The following SALL1 variants were observed in gnomAD, a reference collection of about 807,000 sequenced individuals.
SALL1 encodes the protein sal-like protein 1.
SALL1 carries 10 observed loss-of-function variants against 73.1 expected under a neutral mutation model. The observed-to-expected ratio is 0.14, with a 90% confidence interval of 0.08 to 0.23. SALL1 has a LOEUF of 0.23. SALL1 is among the 10% of genes least tolerant of loss of function. SALL1 has a pLI of 1.00. For synonymous variants in SALL1, 688 were observed against 689.8 expected (o/e 1.00, Z 0.04); for missense variants, 1,520 against 1,697.3 (o/e 0.90, Z 1.84).
At chr16:51,137,813 C>T (rs1330710443) in intron 2 of SALL1, among the ~76,000 whole-genome samples, 1 of 152,198 alleles carries the variant, frequency 6.6e-6, no homozygotes, top group African/African-American at 2.4e-5. Flanking sequence ...GCCTTACTTA[C>T]TCTTTTTTTA....
At position 51,136,071 on chromosome 16, in the gene SALL1, A is replaced by C. The variant is rs541020773; in HGVS notation, c.*1041T>G. On this transcript the variant is annotated 3_prime_UTR_variant, in exon 3 of 3. Transcript: ENST00000251020. The stretch of plus-strand genomic sequence containing the variant: ...TGTTAGTAAGTATTAAATGTTAAAG[A>C]AATTGGACCCCCCCTTTCCTTTCAA... The C allele has an allele frequency of 2.0e-5, 3 of 152,770 alleles. No homozygotes were observed. The highest frequency in any genetic ancestry group is 4.4e-5 in the Non-Finnish European group (3 of 68,036). 9.5% of individuals were successfully genotyped at this position (152,770 alleles called of 1,614,324 possible).
intron 1 of SALL1, 51 bp from the exon 2 acceptor site, chr16:51,142,196 T>G: frequency 7.2e-7 from 1 of 1,387,016 alleles, no homozygotes. Context: ...GGACACACAG[T>G]CACCTATGAC....
chr16:51,141,459 A>G lies in SALL1; in HGVS notation c.763T>C (p.Leu255=), dbSNP rs749574976. Residue 255 remains leucine (L), a synonymous_variant, in exon 2 of 3, where the codon TTG becomes CTG. Coordinates refer to ENST00000251020, the MANE Select transcript of SALL1 (RefSeq NM_002968.3). This position sits in a 1 kb window ranked among gnomAD's most constrained non-coding sequence, Gnocchi z 5.4. ...QLIEQIRHQI[L]LLASQNADLP... ...TCTGCATTCTGAGAAGCCAACAGCAATATTTGGTGACGAATCTGTTCGATC... is the reference window on the plus strand; with the variant it reads ...TCTGCATTCTGAGAAGCCAACAGCAGTATTTGGTGACGAATCTGTTCGATC... The G allele has an allele frequency of 7.4e-6, 12 of 1,614,060 alleles. No homozygotes were observed. Among genetic ancestry groups the G allele is most frequent in the Admixed American group, 6.7e-5 (4 of 60,010 alleles).
In SALL1 at chr16:51,141,547, G is replaced by A. The variant is rs144398338; in HGVS notation, c.675C>T (p.Ala225=). 2.1e-5 allele frequency: 34 copies of A among 1,613,952 alleles called. No individual in the cohort carries two copies. The highest frequency in any genetic ancestry group is 1.7e-4 in the African/African-American group (13 of 74,880). The change falls in exon 2 of 3, where the codon GCC becomes GCT. Residue 225 remains alanine (A), a synonymous_variant. Transcript: ENST00000251020. The surrounding 1 kb of genome is among the most constrained non-coding windows in gnomAD (Gnocchi z 5.4). ...GGAGTTGTTCCATGAGGGCTGGGAC[G>A]GCCAGCTTGCCCCCAGAGGCCCCGC... The part of the protein sequence containing the change: ...RCGGASGGKL[A]VPALMEQLLA...
At chr16:51,138,012 C>T (rs1051711231) in intron 2 of SALL1, among the ~76,000 whole-genome samples, 10 of 152,140 alleles carry the variant, frequency 6.6e-5, no homozygotes, top group South Asian at 2.1e-4. Context: ...GGAGGGCCTG[C>T]GTATGGAGAG....
chr16:51,145,414 G>T (rs1962502441), intron 1 of SALL1, among the ~76,000 whole-genome samples: 1 of 152,004 alleles, frequency 6.6e-6, no homozygotes, highest in Non-Finnish European at 1.5e-5. Flanking sequence ...TATGGATTTT[G>T]CATACAGATT....
At chr16:51,145,163 T>G (rs967006438) in intron 1 of SALL1, among the ~76,000 whole-genome samples, 11 of 150,966 alleles carry the variant, frequency 7.3e-5, no homozygotes, top group African/African-American at 2.4e-4. Flanking sequence ...TATTTTAATT[T>G]GTAGTAAGAT....
In SALL1 at chr16:51,140,089, G is replaced by A; in HGVS notation, c.2133C>T (p.Cys711=). ...CGCTCTGGCAGCTGAGAACCCGGTGGCAGATGATGCACTCATTGGGGTCAG... is the reference window on the plus strand; with the variant it reads ...CGCTCTGGCAGCTGAGAACCCGGTGACAGATGATGCACTCATTGGGGTCAG... The part of the protein sequence containing the change: ...KATDPNECII[C]HRVLSCQSAL... Residue 711 remains cysteine, a synonymous_variant, in exon 2 of 3, where the codon TGC becomes TGT. Coordinates refer to ENST00000251020, the MANE Select transcript of SALL1 (RefSeq NM_002968.3). The surrounding 1 kb of genome is among the most constrained non-coding windows in gnomAD (Gnocchi z 5.7). The A allele has an allele frequency of 6.2e-7, 1 of 1,614,198 alleles. No individual in the cohort carries two copies. Among genetic ancestry groups the A allele is most frequent in the Non-Finnish European group, 8.5e-7 (1 of 1,180,038 alleles).
chr16:51,143,297 C>A, intron 1 of SALL1: 1 of 387,986 alleles, frequency 2.6e-6, no homozygotes, highest in South Asian at 1.9e-5. Context: ...ACAGAAAAAT[C>A]TCTAACTCCA....
rs1214611436 is a variant in SALL1, at chr16:51,136,462, A to C, written c.*650T>G. ...CTGTACAGAAACTTATTAACATTGA[A>C]GACGACTCAAGTAAAAAGCACAATA... On this transcript the variant is annotated 3_prime_UTR_variant, in exon 3 of 3. Transcript: ENST00000251020. 2 of 152,740 alleles carry C rather than the reference A, an allele frequency of 1.3e-5. No homozygotes were observed. Among genetic ancestry groups the C allele is most frequent in the East Asian group, 3.8e-4 (2 of 5,200 alleles). 9.5% of individuals were successfully genotyped at this position (152,740 alleles called of 1,614,324 possible).
chr16:51,139,164 A>G lies in SALL1; in HGVS notation c.3058T>C (p.Tyr1020His). 6.2e-7 allele frequency: 1 copy of G among 1,614,234 alleles called. No individual in the cohort carries two copies. Among genetic ancestry groups the G allele is most frequent in the Non-Finnish European group, 8.5e-7 (1 of 1,180,040 alleles). The change falls in exon 2 of 3, where the codon TAT becomes CAT. Residue 1020 changes from tyrosine (Y) to histidine (H), a missense_variant. By Grantham distance (83) the Tyr-to-His change is moderately conservative. Coordinates refer to ENST00000251020, the MANE Select transcript of SALL1 (RefSeq NM_002968.3). Reference sequence around the variant, plus strand: ...GGTCTCTCTTTGGTATGACTTCTATAGTGAATGTCCAAGGCACTCTGACAA... The same window carrying G: ...GGTCTCTCTTTGGTATGACTTCTATGGTGAATGTCCAAGGCACTCTGACAA... ...FACQSALDIH[Y>H]RSHTKERPFI...
intron 1 of SALL1, chr16:51,150,950 G>C: frequency 2.4e-6 from 1 of 415,088 alleles, no homozygotes; most frequent in Non-Finnish European, 4.3e-6. Context: ...CCTGCCGGGA[G>C]ATGTGCTCGC....
upstream of SALL1, chr16:51,152,249 G>A (rs1962635434): frequency 6.6e-6 from 1 of 152,504 alleles, no homozygotes; most frequent in Non-Finnish European, 1.5e-5. Flanking sequence ...CCCCGCCAGG[G>A]GCACTGATCC....
In SALL1 at chr16:51,139,890, C is replaced by T. The variant is rs1441384433; in HGVS notation, c.2332G>A (p.Ala778Thr). Residue 778 changes from alanine (A) to threonine (T), a missense_variant, in exon 2 of 3, where the codon GCT becomes ACT. Transcript: ENST00000251020. ...CPICQKKFTN[A>T]VVLQQHIRMH... ...CGGATGTGCTGCTGCAGGACCACAG[C>T]GTTCGTGAACTTCTTCTGGCAGATG... 1.4e-5 allele frequency: 23 copies of T among 1,614,052 alleles called. No homozygotes were observed. The highest frequency in any genetic ancestry group is 1.9e-5 in the Non-Finnish European group (22 of 1,180,044).
intron 2 of SALL1, 35 bp from the exon 3 acceptor site, chr16:51,137,587 AG>A (rs1962336838): frequency 3.3e-6 from 5 of 1,513,524 alleles, no homozygotes; most frequent in Admixed American, 3.4e-5. Flanking sequence ...AGAGACAGAG[AG>A]AGAGAGAGAA....
rs369497481 is a variant in SALL1 at position 51,138,901 on chromosome 16, G to A, written c.3321C>T (p.His1107=). Residue 1107 remains histidine, a synonymous_variant, in exon 2 of 3, where the codon CAC becomes CAT. Transcript: ENST00000251020. ...PQDSKDTPTS[H]VPSGPLSSSA... is the part of the protein sequence containing the mutation. ...AGGAAGACAGAGGCCCAGACGGGAC[G>A]TGACTGGTGGGGGTGTCCTTACTGT... The A allele has an allele frequency of 2.2e-5, 36 of 1,614,046 alleles. No homozygotes were observed. Among genetic ancestry groups the A allele is most frequent in the African/African-American group, 6.7e-5 (5 of 74,916 alleles).
chr16:51,137,283 G>A lies in SALL1; in HGVS notation c.3804C>T (p.Gly1268=), dbSNP rs1317824361. Residue 1268 remains glycine (G), a synonymous_variant, in exon 3 of 3, where the codon GGC becomes GGT. Transcript: ENST00000251020. ...CACTAACAGGTGAGCTGTTCCCACTGCCGAGGCTTCCAGGAATTGGAGGGA... is the reference window on the plus strand; with the variant it reads ...CACTAACAGGTGAGCTGTTCCCACTACCGAGGCTTCCAGGAATTGGAGGGA... ...GGIPPIPGSL[G]SGNSSPVSGL... is the part of the protein sequence containing the mutation. 3 of 1,614,084 alleles carry A rather than the reference G, an allele frequency of 1.9e-6. No individual in the cohort carries two copies. The highest frequency in any genetic ancestry group is 2.5e-6 in the Non-Finnish European group (3 of 1,180,026).
chr16:51,150,996 C>T (rs932882361), intron 1 of SALL1, 170 bp downstream of exon 1: 89 of 441,820 alleles, frequency 2.0e-4, no homozygotes, highest in Non-Finnish European at 3.1e-4. Flanking sequence ...CCAGCAAAGG[C>T]ACATTGAAAA....
At chr16:51,143,020 G>T (rs1962467815) in intron 1 of SALL1, among the ~76,000 whole-genome samples, 1 of 152,224 alleles carries the variant, frequency 6.6e-6, no homozygotes, top group African/African-American at 2.4e-5. Context: ...ACTGGCACAA[G>T]ATTTACATTT....
Sources: allele counts gnomAD v4.1 joint callset (sites outside exome capture counted in the v4.1 genomes callset), GRCh38; gene constraint gnomAD v4.1.1; non-coding constraint Gnocchi (gnomAD v3.1); transcripts MANE v1.5; gene names NCBI Gene and HGNC (gene_info 2026-07-23, HGNC 2026-07-21).